Variants in CTNNA3 observed in about 807,000 individuals in gnomAD.
The protein encoded by CTNNA3 is catenin alpha 3.
A neutral mutation model predicts 95.7 loss-of-function variants in CTNNA3; 76 were observed. That is an observed-to-expected ratio of 0.79 (90% CI 0.66 to 0.96). The LOEUF is 0.96. Among genes scored for constraint, CTNNA3 ranks in the 40% least tolerant of loss-of-function variants. CTNNA3 has a pLI of 0.00. For missense variants in CTNNA3, 1,191 were observed against 1,089.8 expected, an observed-to-expected ratio of 1.09 and a Z score of -1.31; for synonymous variants, 431 against 374.4, an observed-to-expected ratio of 1.15 and a Z score of -1.74.
chr10:67,269,668 TTAAG>T (rs1239491413), intron 5 of CTNNA3, among the ~76,000 whole-genome samples: 6 of 152,140 alleles, frequency 3.9e-5, no homozygotes, highest in Non-Finnish European at 8.8e-5. Context: ...ATGCAAATAA[TTAAG>T]TTTCTGAAAT....
intron 14 of CTNNA3, among the ~76,000 whole-genome samples, chr10:66,075,742 G>A (rs1302654373): frequency 6.6e-6 from 1 of 151,688 alleles, no homozygotes. Flanking sequence ...AATTGTCCCA[G>A]AAAGGGGAAA....
intron 13 of CTNNA3, among the ~76,000 whole-genome samples, chr10:66,129,011 T>C (rs746011295): frequency 6.6e-6 from 1 of 151,300 alleles, no homozygotes; most frequent in Non-Finnish European, 1.5e-5. Context: ...ATGCCTGAAA[T>C]CCCAGCACTT....
intron 5 of CTNNA3, among the ~76,000 whole-genome samples, chr10:67,302,580 G>GT (rs1487282269): frequency 2.0e-5 from 3 of 152,088 alleles, no homozygotes; most frequent in Non-Finnish European, 2.9e-5. Flanking sequence ...TGGTAAATAA[G>GT]TTATCACTGA....
chr10:67,569,569 C>T (rs993022158), intron 3 of CTNNA3, among the ~76,000 whole-genome samples: 26 of 152,098 alleles, frequency 1.7e-4, no homozygotes. Flanking sequence ...TTAGCCATGG[C>T]TCTGCTCTCC....
At chr10:67,618,944 T>C (rs1843742976) in intron 2 of CTNNA3, among the ~76,000 whole-genome samples, 1 of 152,214 alleles carries the variant, frequency 6.6e-6, no homozygotes, top group Admixed American at 6.5e-5. Context: ...TTCTTTGATA[T>C]TACCATAGTC....
At chr10:66,776,929 G>A (rs1017036417) in intron 7 of CTNNA3, among the ~76,000 whole-genome samples, 1 of 152,054 alleles carries the variant, frequency 6.6e-6, no homozygotes, top group Non-Finnish European at 1.5e-5. Context: ...ATCAAATAGA[G>A]TTGACTAGAC....
intron 15 of CTNNA3, among the ~76,000 whole-genome samples, chr10:66,031,275 T>A (rs2079444535): frequency 6.6e-6 from 1 of 152,176 alleles, no homozygotes; most frequent in Admixed American, 6.6e-5. Context: ...GCAGCACTAT[T>A]CACAATAGCA....
intron 17 of CTNNA3, among the ~76,000 whole-genome samples, chr10:65,927,420 T>A (rs1043406624): frequency 6.6e-6 from 1 of 152,214 alleles, no homozygotes; most frequent in Non-Finnish European, 1.5e-5. Context: ...GTTCTATTTA[T>A]GACAACTGGT....
intron 5 of CTNNA3, among the ~76,000 whole-genome samples, chr10:67,354,812 C>A (rs1462369786): frequency 6.6e-6 from 1 of 151,902 alleles, no homozygotes; most frequent in Non-Finnish European, 1.5e-5. Context: ...CATTTAATTG[C>A]TGGTCTTACA....
chr10:66,866,370 C>T (rs1844179121), intron 7 of CTNNA3, among the ~76,000 whole-genome samples: 1 of 152,184 alleles, frequency 6.6e-6, no homozygotes, highest in Non-Finnish European at 1.5e-5. Flanking sequence ...TTGCATCCTC[C>T]ACTAGAGCTT....
chr10:67,018,688 T>G (rs899554832), intron 7 of CTNNA3, among the ~76,000 whole-genome samples: 1 of 152,208 alleles, frequency 6.6e-6, no homozygotes, highest in Admixed American at 6.5e-5. Flanking sequence ...CCACTTAACC[T>G]CTCTGTGCCT....
intron 13 of CTNNA3, among the ~76,000 whole-genome samples, chr10:66,243,855 G>A (rs59429951): frequency 1.2e-4 from 18 of 152,240 alleles, no homozygotes; most frequent in African/African-American, 4.3e-4. Context: ...CAATACCCAG[G>A]TAGTATGCCA....
chr10:67,162,052 G>A (rs142331995), intron 7 of CTNNA3, among the ~76,000 whole-genome samples: 43 of 152,140 alleles, frequency 2.8e-4, no homozygotes, highest in African/African-American at 8.9e-4. Flanking sequence ...AAGCTGAACG[G>A]AAGAGTGGAC....
intron 10 of CTNNA3, among the ~76,000 whole-genome samples, chr10:66,526,066 G>A (rs1841247447): frequency 6.6e-6 from 1 of 152,018 alleles, no homozygotes; most frequent in African/African-American, 2.4e-5. Flanking sequence ...GTGGACATTG[G>A]GTTGTTTCCA....
At chr10:66,564,210 T>C (rs1842638962) in intron 10 of CTNNA3, among the ~76,000 whole-genome samples, 1 of 152,164 alleles carries the variant, frequency 6.6e-6, no homozygotes, top group South Asian at 2.1e-4. Context: ...GTTGTCTACT[T>C]GGTGCTATGT....
intron 13 of CTNNA3, among the ~76,000 whole-genome samples, chr10:66,160,036 T>C (rs2133931155): frequency 6.6e-6 from 1 of 152,272 alleles, no homozygotes; most frequent in African/African-American, 2.4e-5. Context: ...TCCTCTTTCA[T>C]TTCTCAGTGA....
At chr10:66,543,399 G>A (rs1279621416) in intron 10 of CTNNA3, among the ~76,000 whole-genome samples, 2 of 151,912 alleles carry the variant, frequency 1.3e-5, no homozygotes, top group Admixed American at 1.3e-4. Flanking sequence ...CAGAATGCAG[G>A]TTTTTAATAA....
intron 7 of CTNNA3, among the ~76,000 whole-genome samples, chr10:67,136,849 G>T (rs1860328843): frequency 6.6e-6 from 1 of 152,126 alleles, no homozygotes; most frequent in East Asian, 1.9e-4. Flanking sequence ...TTAAGTATTT[G>T]GATGTAAATA....
At chr10:67,240,007 A>G (rs1865657003) in intron 5 of CTNNA3, among the ~76,000 whole-genome samples, 1 of 152,322 alleles carries the variant, frequency 6.6e-6, no homozygotes, top group South Asian at 2.1e-4. Flanking sequence ...AGAATCAAAG[A>G]AAACTTCCTT....
Sources: allele counts gnomAD v4.1 joint callset (sites outside exome capture counted in the v4.1 genomes callset), GRCh38; gene constraint gnomAD v4.1.1; transcripts MANE v1.5; gene names NCBI Gene and HGNC (gene_info 2026-07-23, HGNC 2026-07-21).